Variants in WDR72 observed in about 807,000 individuals in gnomAD.
WDR72 encodes WD repeat domain 72.
Under a neutral mutation model 124.2 loss-of-function variants are expected in WDR72, and 120 were observed. That is an observed-to-expected ratio of 0.97 (90% CI 0.83 to 1.12). WDR72 has a LOEUF of 1.12. WDR72 is among the 50% of genes most tolerant of loss of function. The probability of loss-of-function intolerance (pLI) is 0.00; values close to 1 mark genes in which losing one functional copy is unlikely to be tolerated. For missense variants in WDR72, 1,387 were observed against 1,278.8 expected (o/e 1.08, Z -1.29); for synonymous variants, 452 against 441.7 (o/e 1.02, Z -0.29).
intron 13 of WDR72, among the ~76,000 whole-genome samples, chr15:53,671,036 T>A (rs2015967617): frequency 6.6e-6 from 1 of 152,184 alleles, no homozygotes; most frequent in Non-Finnish European, 1.5e-5. Context: ...TATTTTTTAA[T>A]CCTCTTCAGT....
At chr15:53,534,698 A>T (rs1435623064) in intron 18 of WDR72, among the ~76,000 whole-genome samples, 2 of 152,066 alleles carry the variant, frequency 1.3e-5, no homozygotes, top group Non-Finnish European at 2.9e-5. Flanking sequence ...GTCTCCATGG[A>T]CCCTATAATG....
rs1891383516 is a variant in WDR72, at chr15:53,515,081, A to ATATATATATGTG, written c.*2617_*2618insCACATATATATA. On this transcript the variant is annotated 3_prime_UTR_variant, in exon 20 of 20. Coordinates refer to ENST00000360509, the MANE Select transcript of WDR72 (RefSeq NM_182758.4). ...TATATATATACACACATATATATGT[A>ATATATATATGTG]TGTATACACACACACACACACACAC... is the stretch of plus-strand genomic sequence containing the variant. 7 of 24,808 alleles carry ATATATATATGTG rather than the reference A, an allele frequency of 2.8e-4. 1 individual carries two copies. Among genetic ancestry groups the ATATATATATGTG allele is most frequent in the Non-Finnish European group, 4.8e-4 (5 of 10,492 alleles). The allele number at this position is 24,808 out of a possible 1,614,324, so 1.5% of individuals were successfully genotyped here.
In WDR72 at chr15:53,665,602, G is replaced by A. The variant is rs908938295; in HGVS notation, c.1932C>T (p.Cys644=). The change falls in exon 14 of 20, where the codon TGC becomes TGT. Residue 644 remains cysteine (C), a synonymous_variant. Transcript: ENST00000360509. Reference sequence around the variant, plus strand: ...ATGAAGACTCCACCTGCAGACCAGGGCAAGGTAATGGCCCAAGCTGGTAGG... The same window carrying A: ...ATGAAGACTCCACCTGCAGACCAGGACAAGGTAATGGCCCAAGCTGGTAGG... The part of the protein sequence containing the change: ...SSPYQLGPLP[C]PGLQVESSCK... 1.2e-6 allele frequency: 2 copies of A among 1,613,732 alleles called. No individual in the cohort carries two copies. The highest frequency in any genetic ancestry group is 8.5e-7 in the Non-Finnish European group (1 of 1,179,838).
intron 18 of WDR72, among the ~76,000 whole-genome samples, chr15:53,525,439 T>C (rs145788983): frequency 1.8e-4 from 28 of 152,190 alleles, no homozygotes; most frequent in African/African-American, 6.5e-4. Context: ...TTTCATAATT[T>C]AAAAAATTCC....
chr15:53,566,392 G>A (rs1894295291), intron 18 of WDR72, among the ~76,000 whole-genome samples: 1 of 151,990 alleles, frequency 6.6e-6, no homozygotes, highest in Admixed American at 6.6e-5. Context: ...GTAACTGAAT[G>A]CATGCAGAGC....
intron 14 of WDR72, among the ~76,000 whole-genome samples, chr15:53,648,985 A>C (rs912278053): frequency 6.6e-6 from 1 of 152,084 alleles, no homozygotes; most frequent in Non-Finnish European, 1.5e-5. Context: ...AATTTTCAGC[A>C]AATAGGGAGC....
chr15:53,611,738 A>ATT (rs36097219), intron 16 of WDR72, among the ~76,000 whole-genome samples: 2 of 146,492 alleles, frequency 1.4e-5, no homozygotes, highest in Admixed American at 6.8e-5. Flanking sequence ...CTTGAGTCCC[A>ATT]TTTTTTTTTT....
At chr15:53,606,417 A>AT (rs1243862643) in intron 17 of WDR72, among the ~76,000 whole-genome samples, 1 of 152,192 alleles carries the variant, frequency 6.6e-6, no homozygotes, top group Non-Finnish European at 1.5e-5. Context: ...TCATTCACTC[A>AT]TTAAATATGT....
chr15:53,747,348 C>T (rs183722042), intron 1 of WDR72, among the ~76,000 whole-genome samples: 10 of 152,272 alleles, frequency 6.6e-5, no homozygotes, highest in African/African-American at 1.4e-4. Context: ...ATGACTATTT[C>T]GGAATTAACC....
chr15:53,552,337 A>G (rs1299590047), intron 18 of WDR72, among the ~76,000 whole-genome samples: 1 of 152,108 alleles, frequency 6.6e-6, no homozygotes, highest in Admixed American at 6.6e-5. Context: ...GCTTGTCAAA[A>G]TTATTCAATA....
chr15:53,686,185 G>T (rs532243256), intron 13 of WDR72, among the ~76,000 whole-genome samples: 1 of 147,268 alleles, frequency 6.8e-6, no homozygotes, highest in Non-Finnish European at 1.5e-5. Flanking sequence ...ACATCATAAT[G>T]ACAGGATCAA....
In WDR72 at chr15:53,607,375, C is replaced by A. The variant is rs114711222; in HGVS notation, c.2952+2138G>T. Among the ~76,000 whole-genome samples the A allele has an allele frequency of 6.0e-3, 908 of 152,190 alleles. 9 individuals carry two copies. The highest frequency in any genetic ancestry group is 0.021 in the African/African-American group (871 of 41,526). On this transcript the variant is annotated intron_variant, in intron 17 of 19. Transcript: ENST00000360509. ...GAGAACCTAGAAACAAATCCATACA[C>A]CTACTGTGAACTCATTTTCGACAAA...
At chr15:53,708,023 C>T (rs1488474987) in intron 9 of WDR72, among the ~76,000 whole-genome samples, 2 of 152,312 alleles carry the variant, frequency 1.3e-5, no homozygotes, top group Non-Finnish European at 2.9e-5. Context: ...CTCATCCCCT[C>T]TGCCTTCACC....
chr15:53,635,273 GAACTT>G, intron 14 of WDR72, among the ~76,000 whole-genome samples: 1 of 152,288 alleles, frequency 6.6e-6, no homozygotes, highest in East Asian at 1.9e-4. Context: ...CGTAGGTAGA[GAACTT>G]AACAGCTTTT....
intron 18 of WDR72, among the ~76,000 whole-genome samples, chr15:53,568,069 CTTGTTTT>C (rs1894365903): frequency 3.1e-5 from 1 of 32,162 alleles, no homozygotes; most frequent in Admixed American, 4.7e-4. Flanking sequence ...CATTTTTTGT[CTTGTTTT>C]TTTTTTTTTA....
chr15:53,572,737 G>T (rs894093271), intron 18 of WDR72, among the ~76,000 whole-genome samples: 4 of 152,166 alleles, frequency 2.6e-5, no homozygotes, highest in Non-Finnish European at 4.4e-5. Context: ...GCAGCCTATG[G>T]CTGACTGATA....
intron 17 of WDR72, among the ~76,000 whole-genome samples, chr15:53,606,782 C>G (rs1037062522): frequency 2.0e-5 from 3 of 151,986 alleles, no homozygotes; most frequent in African/African-American, 7.2e-5. Context: ...ATGAGCTTTA[C>G]GTCTTCTGGA....
intron 13 of WDR72, among the ~76,000 whole-genome samples, chr15:53,685,471 A>G (rs1165137745): frequency 7.2e-6 from 1 of 138,236 alleles, no homozygotes; most frequent in Non-Finnish European, 1.5e-5. Context: ...GTGATGGAAG[A>G]TGAAATGAAT....
intron 14 of WDR72, among the ~76,000 whole-genome samples, chr15:53,660,132 A>G (rs2140441854): frequency 6.6e-6 from 1 of 152,142 alleles, no homozygotes; most frequent in Non-Finnish European, 1.5e-5. Flanking sequence ...TCAAAAATTT[A>G]CTAATCAAAA....
Sources: allele counts gnomAD v4.1 joint callset (sites outside exome capture counted in the v4.1 genomes callset), GRCh38; gene constraint gnomAD v4.1.1; transcripts MANE v1.5; gene names NCBI Gene and HGNC (gene_info 2026-07-23, HGNC 2026-07-21).